Variants in WNK3 observed in about 807,000 individuals in gnomAD.
The protein encoded by WNK3 is serine/threonine-protein kinase WNK3.
Under a neutral mutation model 116.7 loss-of-function variants are expected in WNK3, and 18 were observed. That is an observed-to-expected ratio of 0.15 (90% confidence interval 0.11 to 0.23). WNK3 has a LOEUF of 0.23. WNK3 is among the 10% of genes least tolerant of loss of function. The probability of loss-of-function intolerance (pLI) is 1.00; values close to 1 mark genes in which losing one functional copy is unlikely to be tolerated. For synonymous variants in WNK3, 404 were observed against 469.4 expected, an observed-to-expected ratio of 0.86 and a Z score of 1.80; for missense variants, 993 against 1,323.8, an observed-to-expected ratio of 0.75 and a Z score of 3.88.
chrX:54,283,198 C>T (rs2068537605), intron 10 of WNK3, among the ~76,000 whole-genome samples: 1 of 112,120 alleles, frequency 8.9e-6, no homozygotes, highest in Non-Finnish European at 1.9e-5. Context: ...AATCCTGGCA[C>T]TTTGGGAGGC....
chrX:54,217,010 T>C (rs1557145484), intron 22 of WNK3, among the ~76,000 whole-genome samples: 1 of 111,332 alleles, frequency 9.0e-6, no homozygotes, highest in African/African-American at 3.3e-5. Context: ...ACCCCATCTT[T>C]ACACAAATTT....
At chrX:54,283,472 A>G (rs1466783607) in intron 10 of WNK3, among the ~76,000 whole-genome samples, 1 of 111,326 alleles carries the variant, frequency 9.0e-6, no homozygotes, top group African/African-American at 3.3e-5. Context: ...GATGTCTACA[A>G]TAAAAATGAC....
chrX:54,301,790 G>T, exon 6 of WNK3: 1 of 1,208,471 alleles, frequency 8.3e-7, no homozygotes, highest in Non-Finnish European at 1.1e-6. Flanking sequence ...TTGTTTTGAC[G>T]AATACATCCT....
At chrX:54,311,432 G>T in intron 2 of WNK3, 141 bp from the exon 3 acceptor site, 1 of 468,856 alleles carries the variant, frequency 2.1e-6, no homozygotes, top group Non-Finnish European at 3.6e-6. Flanking sequence ...CTTTTCTCAA[G>T]ACTTGTATCA....
chrX:54,285,434 G>A (rs1453414313), intron 10 of WNK3, among the ~76,000 whole-genome samples: 1 of 111,678 alleles, frequency 9.0e-6, no homozygotes, highest in African/African-American at 3.3e-5. Flanking sequence ...AATCAACAGC[G>A]ATTGACTCTA....
At chrX:54,345,282 A>ATG (rs1569539566) in intron 1 of WNK3, among the ~76,000 whole-genome samples, 4,604 of 99,989 alleles carry the variant, frequency 0.046, 138 homozygotes, top group Admixed American at 0.075. Context: ...AACTATATAT[A>ATG]TATGTATGTA....
intron 17 of WNK3, among the ~76,000 whole-genome samples, chrX:54,244,539 A>G (rs1177523392): frequency 8.9e-6 from 1 of 112,242 alleles, no homozygotes; most frequent in East Asian, 2.8e-4. Context: ...TGTGAAAGGA[A>G]AACAAAAACT....
chrX:54,201,795 T>TC (rs1313686229), intron 23 of WNK3, among the ~76,000 whole-genome samples, 196 bp downstream of exon 23: 4 of 111,452 alleles, frequency 3.6e-5, no homozygotes, highest in African/African-American at 1.3e-4. Flanking sequence ...ACTGGCTCCT[T>TC]CCCCCCAAAA....
At chrX:54,265,401 C>A (rs1482213115) in intron 10 of WNK3, among the ~76,000 whole-genome samples, 1 of 110,894 alleles carries the variant, frequency 9.0e-6, no homozygotes, top group Non-Finnish European at 1.9e-5. Flanking sequence ...GCAGGAGAAT[C>A]GCTTGAACCT....
At position 54,293,053 on chromosome X, in the gene WNK3, G is replaced by GA; in HGVS notation, c.1888-17dup. On this transcript the variant is annotated splice_polypyrimidine_tract_variant and intron_variant, in intron 9 of 23. Transcript: ENST00000354646. ...GCTTCTGTAACTGTTAAAATAAGGG[G>GA]AAAAAAAGATTAAAGATAAACTTTC... is the stretch of plus-strand genomic sequence containing the variant. 2 of 1,197,483 alleles carry GA rather than the reference G, an allele frequency of 1.7e-6. No individual in the cohort carries two copies. The highest frequency in any genetic ancestry group is 4.7e-5 in the Admixed American group (2 of 42,327).
intron 1 of WNK3, among the ~76,000 whole-genome samples, chrX:54,352,094 A>G (rs1441633917): frequency 9.0e-6 from 1 of 111,608 alleles, no homozygotes; most frequent in Admixed American, 9.7e-5. Flanking sequence ...AAGAACTTAA[A>G]TAGACATCTC....
At chrX:54,324,292 TC>T (rs1348925148) in intron 2 of WNK3, among the ~76,000 whole-genome samples, 1 of 112,287 alleles carries the variant, frequency 8.9e-6, no homozygotes, top group Non-Finnish European at 1.9e-5. Context: ...ATCTGCAAAG[TC>T]CTTTTTGAAA....
intron 10 of WNK3, among the ~76,000 whole-genome samples, chrX:54,279,438 C>T (rs375575513): frequency 1.8e-5 from 2 of 111,028 alleles, no homozygotes; most frequent in East Asian, 5.7e-4. Context: ...GTGGTGCATG[C>T]CTATGGTCTC....
At chrX:54,193,488 T>G (rs782430374) in exon 24 of WNK3, 1 of 111,799 alleles carries the variant, frequency 8.9e-6, no homozygotes, top group South Asian at 3.7e-4. Context: ...CTTCCCTTCT[T>G]GCTTGACTTT....
intron 17 of WNK3, among the ~76,000 whole-genome samples, chrX:54,247,228 C>T (rs150249050): frequency 0.021 from 2,318 of 111,431 alleles, 74 homozygotes; most frequent in African/African-American, 0.073. Context: ...GACCTTGACA[C>T]TTGGGAGAGT....
At chrX:54,199,511 C>T (rs782254326) in intron 23 of WNK3, among the ~76,000 whole-genome samples, 4 of 111,614 alleles carry the variant, frequency 3.6e-5, no homozygotes, top group Admixed American at 9.6e-5. Context: ...CATGTCAACC[C>T]TAGGGCTTAA....
At chrX:54,288,134 T>C (rs1250171648) in intron 10 of WNK3, among the ~76,000 whole-genome samples, 3 of 111,610 alleles carry the variant, frequency 2.7e-5, no homozygotes, top group African/African-American at 9.8e-5. Flanking sequence ...GCTGGATGTA[T>C]GCTGGCTGGT....
At chrX:54,213,559 A>C (rs1355674652) in intron 22 of WNK3, among the ~76,000 whole-genome samples, 132 of 99,517 alleles carry the variant, frequency 1.3e-3, no homozygotes, top group East Asian at 0.013. Context: ...GTCTCAAAAA[A>C]AAAAACAAAC....
intron 17 of WNK3, among the ~76,000 whole-genome samples, chrX:54,239,968 C>T (rs1412886416): frequency 8.9e-6 from 1 of 112,131 alleles, no homozygotes; most frequent in Admixed American, 9.5e-5. Flanking sequence ...AAGAAGATAG[C>T]CTACATGGCA....
Sources: gnomAD v4.1 joint callset for allele counts (sites outside exome capture counted in the v4.1 genomes callset) on GRCh38, gnomAD v4.1.1 for gene constraint, MANE v1.5 for transcripts, NCBI Gene and HGNC (gene_info 2026-07-23, HGNC 2026-07-21) for gene names.